CWC27: variants seen among roughly 807,000 people sequenced by gnomAD.
The protein encoded by CWC27 is spliceosome-associated protein CWC27 homolog.
In CWC27, 47 loss-of-function variants were observed where a neutral mutation model predicts 63.6. That is an observed-to-expected ratio of 0.74 (90% CI 0.58 to 0.94). The LOEUF is 0.94. Ranked by LOEUF, CWC27 falls within the 40% of genes least tolerant of loss-of-function variation. The pLI is 0.00. For missense variants in CWC27, 495 were observed against 554.3 expected (o/e 0.89, Z 1.07); for synonymous variants, 175 against 179.8 (o/e 0.97, Z 0.22).
At chr5:64,845,375 T>C (rs907713529) in intron 10 of CWC27, among the ~76,000 whole-genome samples, 3 of 152,034 alleles carry the variant, frequency 2.0e-5, no homozygotes, top group Non-Finnish European at 4.4e-5. Flanking sequence ...GCTTCAGTAA[T>C]GGACCCCAAA....
intron 10 of CWC27, among the ~76,000 whole-genome samples, chr5:64,863,794 C>G (rs2112314839): frequency 6.6e-6 from 1 of 152,258 alleles, no homozygotes; most frequent in South Asian, 2.1e-4. Context: ...CAGCCCTTCT[C>G]TAATTTAGAG....
intron 11 of CWC27, among the ~76,000 whole-genome samples, chr5:64,924,515 C>T (rs1216195178): frequency 6.6e-6 from 1 of 152,192 alleles, no homozygotes; most frequent in African/African-American, 2.4e-5. Context: ...TTCTGTATAT[C>T]TGCAGCAGCC....
intron 13 of CWC27, among the ~76,000 whole-genome samples, chr5:65,003,880 T>G (rs973819546): frequency 6.6e-6 from 1 of 151,756 alleles, no homozygotes; most frequent in Non-Finnish European, 1.5e-5. Flanking sequence ...AATCTCACTC[T>G]GTTGCCCAGG....
At chr5:65,015,515 G>T (rs147798175) in intron 13 of CWC27, among the ~76,000 whole-genome samples, 5 of 152,322 alleles carry the variant, frequency 3.3e-5, no homozygotes, top group African/African-American at 1.2e-4. Context: ...CTGCTGCTAA[G>T]CATGTACTGA....
chr5:65,009,488 C>T (rs139029498), intron 13 of CWC27, among the ~76,000 whole-genome samples: 60 of 152,276 alleles, frequency 3.9e-4, no homozygotes, highest in African/African-American at 1.4e-3. Context: ...ATTGTATCTC[C>T]CTAAAACTCA....
chr5:64,798,411 A>G (rs1297783156), intron 7 of CWC27, among the ~76,000 whole-genome samples: 18 of 152,168 alleles, frequency 1.2e-4, no homozygotes, highest in Non-Finnish European at 2.1e-4. Flanking sequence ...CTGTTTTGTG[A>G]ATATTTTCCC....
At chr5:64,915,025 A>G (rs956426543) in intron 11 of CWC27, among the ~76,000 whole-genome samples, 2 of 152,196 alleles carry the variant, frequency 1.3e-5, no homozygotes, top group African/African-American at 2.4e-5. Flanking sequence ...TTCATTTTAT[A>G]TAATATGCAC....
At chr5:64,966,704 A>G (rs558462935) in intron 11 of CWC27, among the ~76,000 whole-genome samples, 3 of 152,102 alleles carry the variant, frequency 2.0e-5, no homozygotes, top group Non-Finnish European at 2.9e-5. Context: ...TTTTTTACCT[A>G]CTAGAGGAAA....
chr5:64,923,586 A>G (rs1561158227), intron 11 of CWC27, among the ~76,000 whole-genome samples: 1 of 143,532 alleles, frequency 7.0e-6, no homozygotes, highest in African/African-American at 2.6e-5. Context: ...GTCTGTCTCA[A>G]TGGGAGAGGT....
chr5:64,905,843 G>C (rs150648469), intron 11 of CWC27, among the ~76,000 whole-genome samples: 2,215 of 152,040 alleles, frequency 0.015, 31 homozygotes, highest in African/African-American at 0.041. Flanking sequence ...CCCACCCCAT[G>C]ACAGGCCCCG....
rs118173862 is a variant in CWC27, at chr5:64,822,392, A to G, written c.938+18006A>G. Among the ~76,000 whole-genome samples the G allele has an allele frequency of 2.6e-5, 4 of 152,334 alleles. No homozygotes were observed. In the East Asian group the frequency reaches 5.8e-4, roughly 22 times the overall value. On this transcript the variant is annotated intron_variant, in intron 10 of 13. Coordinates refer to ENST00000381070, the MANE Select transcript of CWC27 (RefSeq NM_005869.4). The stretch of plus-strand genomic sequence containing the variant: ...AGAAAGTACAGTAGCTTCATGGAAC[A>G]TGGAGAGATTAATTTTGAATTTATG...
In CWC27 at chr5:64,835,710, T is replaced by C. The variant is rs1033417556; in HGVS notation, c.938+31324T>C. Among the ~76,000 whole-genome samples, 11 of 152,018 alleles carry C rather than the reference T, an allele frequency of 7.2e-5. No homozygotes were observed. The South Asian group carries it at 8.3e-4, about 11-fold the overall frequency. On this transcript the variant is annotated intron_variant, in intron 10 of 13. Transcript: ENST00000381070. ...CTTTTAACAATGTATTTTTTTCTCC[T>C]GAACATCTAAGTCATTATAGGCTCT...
chr5:64,806,753 G>C (rs1363508878), intron 10 of CWC27, among the ~76,000 whole-genome samples: 3 of 152,076 alleles, frequency 2.0e-5, no homozygotes, highest in African/African-American at 7.2e-5. Flanking sequence ...GAGGTGGGAG[G>C]ATTGCTTGAG....
intron 12 of CWC27, among the ~76,000 whole-genome samples, chr5:64,973,210 T>G (rs552471740): frequency 6.6e-6 from 1 of 152,354 alleles, no homozygotes; most frequent in Admixed American, 6.5e-5. Context: ...GTACAAGGTA[T>G]TTTTAAACCA....
intron 10 of CWC27, among the ~76,000 whole-genome samples, chr5:64,820,842 G>A (rs1561421956): frequency 1.3e-5 from 2 of 151,890 alleles, no homozygotes; most frequent in African/African-American, 2.4e-5. Context: ...GAGAAAATCT[G>A]TATGAACTTG....
At chr5:64,937,940 T>G (rs1748391082) in intron 11 of CWC27, among the ~76,000 whole-genome samples, 1 of 143,990 alleles carries the variant, frequency 6.9e-6, no homozygotes, top group African/African-American at 2.7e-5. Context: ...TTTTTTTTTT[T>G]GCTTTCCATT....
rs1279670289 is a variant in CWC27 at position 64,999,215 on chromosome 5, TTTTAA to T, written c.1257-18939_1257-18935del. ...TCAGATATGCTTGTACATAAACACT[TTTTAA>T]TTTATTTCTCCCCCTCCCTTTTTTG... is the stretch of plus-strand genomic sequence containing the variant. On this transcript the variant is annotated intron_variant, in intron 13 of 13. Transcript: ENST00000381070. Among the ~76,000 whole-genome samples, 9 of 152,252 alleles carry T rather than the reference TTTTAA, an allele frequency of 5.9e-5. No homozygotes were observed. In the South Asian group the frequency reaches 1.2e-3, roughly 21 times the overall value.
intron 11 of CWC27, among the ~76,000 whole-genome samples, chr5:64,947,026 A>G (rs1187186068): frequency 6.6e-6 from 1 of 152,054 alleles, no homozygotes; most frequent in Non-Finnish European, 1.5e-5. Flanking sequence ...TCTTGTATCT[A>G]TTGGCCATTT....
chr5:64,955,414 T>C (rs1267737329), intron 11 of CWC27, among the ~76,000 whole-genome samples: 1 of 152,194 alleles, frequency 6.6e-6, no homozygotes, highest in Non-Finnish European at 1.5e-5. Context: ...ACTGTAAAAC[T>C]GCAAAGTGCT....
Sources: allele counts gnomAD v4.1 joint callset (sites outside exome capture counted in the v4.1 genomes callset), GRCh38; gene constraint gnomAD v4.1.1; transcripts MANE v1.5; gene names NCBI Gene and HGNC (gene_info 2026-07-23, HGNC 2026-07-21).